Variants in ABCA3 observed in about 807,000 individuals in gnomAD.
ABCA3 encodes the protein phospholipid-transporting ATPase ABCA3.
A neutral mutation model predicts 172.8 loss-of-function variants in ABCA3; 88 were observed. That is an observed-to-expected ratio of 0.51 (90% confidence interval 0.43 to 0.61). ABCA3 has a LOEUF of 0.61. Among genes scored for constraint, ABCA3 ranks in the 20% least tolerant of loss-of-function variants. The probability of loss-of-function intolerance (pLI) is 0.00; values close to 1 mark genes in which losing one functional copy is unlikely to be tolerated. For synonymous variants in ABCA3, 1,066 were observed against 983.8 expected (o/e 1.08, Z -1.56); for missense variants, 2,164 against 2,301.0 (o/e 0.94, Z 1.22).
At chr16:2,334,426 A>G (rs1227539600) in intron 1 of ABCA3, among the ~76,000 whole-genome samples, 3 of 152,038 alleles carry the variant, frequency 2.0e-5, no homozygotes, top group Middle Eastern at 3.4e-3. Flanking sequence ...TATCTAGGAC[A>G]TTATCTTTTT....
chr16:2,280,301 C>T (rs949537918), intron 28 of ABCA3, among the ~76,000 whole-genome samples: 2 of 152,260 alleles, frequency 1.3e-5, no homozygotes, highest in African/African-American at 4.8e-5. Context: ...AGATCTAACG[C>T]CTATGTGCTT....
intron 1 of ABCA3, among the ~76,000 whole-genome samples, chr16:2,336,805 G>C (rs1392794350): frequency 6.6e-6 from 1 of 151,822 alleles, no homozygotes; most frequent in Non-Finnish European, 1.5e-5. Context: ...TTTATAAATG[G>C]GATGTGGACA....
intron 1 of ABCA3, among the ~76,000 whole-genome samples, chr16:2,334,108 T>C (rs1230416330): frequency 6.6e-6 from 1 of 152,156 alleles, no homozygotes; most frequent in Admixed American, 6.6e-5. Context: ...CAGGAATTAA[T>C]TGCGTGTGTG....
At chr16:2,316,331 G>C (rs9923852) in intron 10 of ABCA3, among the ~76,000 whole-genome samples, 1 of 96,314 alleles carries the variant, frequency 1.0e-5, no homozygotes, top group Non-Finnish European at 2.1e-5. Flanking sequence ...AAAGAAAAAA[G>C]AAAAGAAAAA....
In ABCA3 at chr16:2,309,931, T is replaced by G. The variant is rs540487545; in HGVS notation, c.1112-1308A>C. Among the ~76,000 whole-genome samples, 16 of 152,306 alleles carry G rather than the reference T, an allele frequency of 1.1e-4. No individual in the cohort carries two copies. In the Middle Eastern group the frequency reaches 0.01, roughly 97 times the overall value. On this transcript the variant is annotated intron_variant, in intron 10 of 32. Coordinates refer to ENST00000301732, the MANE Select transcript of ABCA3 (RefSeq NM_001089.3). ...CACCGTGCCCAGCCATCAAAATCTT[T>G]GGTCTTAAGACCCTTTTCTATCCTT...
intron 7 of ABCA3, among the ~76,000 whole-genome samples, chr16:2,321,652 C>A (rs2093726292): frequency 1.3e-5 from 2 of 152,148 alleles, no homozygotes; most frequent in Middle Eastern, 3.4e-3. Context: ...TAGCTCAGTT[C>A]CAAGACAAGA....
chr16:2,283,223 CT>C lies in ABCA3; in HGVS notation c.3997del (p.Arg1333GlyfsTer13). 1.2e-6 allele frequency: 2 copies of C among 1,613,380 alleles called. No homozygotes were observed. The highest frequency in any genetic ancestry group is 1.7e-6 in the Non-Finnish European group (2 of 1,179,982). ...LIETNLLQRL[R>X]GILCALRRRR... is the part of the protein sequence containing the mutation. ...CCTCCGGAGGGCGCAGAGGATGCCCCTGAGTCTCTGAAGCAGGTTGGTCTCG... is the reference window on the plus strand; with the variant it reads ...CCTCCGGAGGGCGCAGAGGATGCCCCGAGTCTCTGAAGCAGGTTGGTCTCG... On this transcript the variant is annotated frameshift_variant, in exon 26 of 33. Transcript: ENST00000301732. LOFTEE classifies it high-confidence loss of function. The surrounding 1 kb of genome is among the most constrained non-coding windows in gnomAD (Gnocchi z 5.4).
intron 19 of ABCA3, among the ~76,000 whole-genome samples, chr16:2,290,002 C>CA (rs10675689): frequency 1.4e-5 from 2 of 147,178 alleles, no homozygotes; most frequent in South Asian, 2.2e-4. Flanking sequence ...CACACACACA[C>CA]CCCTTCCTAG....
chr16:2,331,739 G>A (rs1272346972), intron 1 of ABCA3, among the ~76,000 whole-genome samples: 1 of 152,254 alleles, frequency 6.6e-6, no homozygotes, highest in African/African-American at 2.4e-5. Flanking sequence ...GTCTCCAGAA[G>A]TGCTGATGAC....
In ABCA3 at chr16:2,281,616, C is replaced by T. The variant is rs561800260; in HGVS notation, c.4036-107G>A. ...GTGGGAGGTCTGGTGGGACTAAGGC[C>T]TTCAAGGCTTCTCGTCCCAATCTCA... On this transcript the variant is annotated intron_variant, in intron 26 of 32. Transcript: ENST00000301732. This position sits in a 1 kb window ranked among gnomAD's most constrained non-coding sequence, Gnocchi z 4.7. 2 of 1,385,598 alleles carry T rather than the reference C, an allele frequency of 1.4e-6. No homozygotes were observed. The highest frequency in any genetic ancestry group is 4.7e-5 in the East Asian group (2 of 42,578). 85.8% of individuals were successfully genotyped at this position (1,385,598 alleles called of 1,614,324 possible).
intron 2 of ABCA3, among the ~76,000 whole-genome samples, chr16:2,329,330 G>C (rs1300981594): frequency 6.6e-6 from 1 of 152,164 alleles, no homozygotes; most frequent in East Asian, 1.9e-4. Flanking sequence ...AAGGTTTCTA[G>C]AAGTGGTTTA....
At chr16:2,331,202 GTTTTC>G (rs752818680) in intron 1 of ABCA3, among the ~76,000 whole-genome samples, 26 of 151,986 alleles carry the variant, frequency 1.7e-4, no homozygotes, top group East Asian at 5.8e-4. Flanking sequence ...CTTAATAGAA[GTTTTC>G]TTTTCTTTTC....
chr16:2,329,034 TA>T (rs1320764271), intron 2 of ABCA3, among the ~76,000 whole-genome samples: 1 of 151,434 alleles, frequency 6.6e-6, no homozygotes, highest in Non-Finnish European at 1.5e-5. Flanking sequence ...TGATATCTAA[TA>T]ATATTCAAAA....
intron 28 of ABCA3, among the ~76,000 whole-genome samples, chr16:2,280,266 C>A (rs553562697): frequency 1.3e-5 from 2 of 152,350 alleles, no homozygotes; most frequent in African/African-American, 2.4e-5. Flanking sequence ...AGTTTATAAT[C>A]TTTTATAATC....
chr16:2,286,366 C>G lies in ABCA3; in HGVS notation c.3278+328G>C, dbSNP rs1338360770. ...CCATCACCTCAGCTCATGTGCCCAGCAGGTCACACTGCTGGAGAGAGCAGT... is the reference window on the plus strand; with the variant it reads ...CCATCACCTCAGCTCATGTGCCCAGGAGGTCACACTGCTGGAGAGAGCAGT... On this transcript the variant is annotated intron_variant, in intron 22 of 32. Transcript: ENST00000301732. This position sits in a 1 kb window ranked among gnomAD's most constrained non-coding sequence, Gnocchi z 5.2. 6.6e-6 allele frequency among the ~76,000 whole-genome samples: 1 copy of G among 152,202 alleles called. No homozygotes were observed. The highest frequency in any genetic ancestry group is 1.5e-5 in the Non-Finnish European group (1 of 68,034).
chr16:2,287,928 T>C lies in ABCA3; in HGVS notation c.3004+98A>G. ...GTACATTCGGAACAGCCAAGAACCA[T>C]CCTCCCCAGATGTCGACCCTGCTGC... is the stretch of plus-strand genomic sequence containing the variant. On this transcript the variant is annotated intron_variant, in intron 21 of 32. Transcript: ENST00000301732. This position sits in a 1 kb window ranked among gnomAD's most constrained non-coding sequence, Gnocchi z 4.1. 1.4e-6 allele frequency: 2 copies of C among 1,470,106 alleles called. No individual in the cohort carries two copies. The highest frequency in any genetic ancestry group is 1.9e-6 in the Non-Finnish European group (2 of 1,078,162). The allele number at this position is 1,470,106 out of a possible 1,614,324, so 91.1% of individuals were successfully genotyped here.
At chr16:2,304,223 GC>G (rs2093694020) in intron 11 of ABCA3, 73 bp from the exon 12 acceptor site, 2 of 1,507,270 alleles carry the variant, frequency 1.3e-6, no homozygotes, top group South Asian at 2.3e-5. Flanking sequence ...GCCCCTGATG[GC>G]ACACGTGTGC....
At position 2,297,393 on chromosome 16, in the gene ABCA3, G is replaced by T. The variant is rs138901284; in HGVS notation, c.2199C>A (p.Ile733=). ...GCAGCTCCCCCTTGGCCATGATGGC[G>T]ATGCGGTCTCCCAGCAGGTCAGCCT... is the stretch of plus-strand genomic sequence containing the variant. ...MDEADLLGDR[I]AIMAKGELQC... Residue 733 remains isoleucine (I), a synonymous_variant, in exon 17 of 33, where the codon ATC becomes ATA. Transcript: ENST00000301732. This position sits in a 1 kb window ranked among gnomAD's most constrained non-coding sequence, Gnocchi z 5.6. 38 of 1,613,394 alleles carry T rather than the reference G, an allele frequency of 2.4e-5. No homozygotes were observed. The highest frequency in any genetic ancestry group is 3.1e-5 in the Non-Finnish European group (37 of 1,180,002).
chr16:2,278,160 G>A lies in ABCA3; in HGVS notation c.4719-91C>T. 6.3e-7 allele frequency: 1 copy of A among 1,599,216 alleles called. No homozygotes were observed. The highest frequency in any genetic ancestry group is 1.1e-5 in the South Asian group (1 of 90,710). On this transcript the variant is annotated intron_variant, in intron 30 of 32. Transcript: ENST00000301732. The surrounding 1 kb of genome is among the most constrained non-coding windows in gnomAD (Gnocchi z 4.4). ...TTGGCTCTCCGATCAGGCTGTTCCT[G>A]ATACCCATGCTCAGTGTGGCTCACG...
Sources: gnomAD v4.1 joint callset for allele counts (sites outside exome capture counted in the v4.1 genomes callset) on GRCh38, gnomAD v4.1.1 for gene constraint, Gnocchi (gnomAD v3.1) non-coding constraint, MANE v1.5 for transcripts, NCBI Gene and HGNC (gene_info 2026-07-23, HGNC 2026-07-21) for gene names.